Variants in MANBA observed in about 807,000 individuals in gnomAD.
The protein encoded by MANBA is beta-mannosidase.
A neutral mutation model predicts 111.1 loss-of-function variants in MANBA; 83 were observed. The ratio of observed to expected loss-of-function variants is 0.75; its 90% CI spans 0.63 to 0.90. The LOEUF (loss-of-function observed/expected upper bound fraction) is 0.90, where lower values mean the gene tolerates loss of function less well. Among genes scored for constraint, MANBA ranks in the 40% least tolerant of loss-of-function variants. The pLI, the probability that MANBA is intolerant of heterozygous loss-of-function variation, is 0.00. For synonymous variants in MANBA, 370 were observed against 378.7 expected, an observed-to-expected ratio of 0.98 and a Z score of 0.27; for missense variants, 1,036 against 1,069.0, an observed-to-expected ratio of 0.97 and a Z score of 0.43.
Position 102,742,417 on chromosome 4 carries a change from C to G in MANBA, c.178-15734G>C, listed in dbSNP as rs553841794. On this transcript the variant is annotated intron_variant, in intron 1 of 16. Transcript: ENST00000647097. ...CTATGAATCTTGGCTATGGGAGAAA[C>G]AGTACCATATATTGAATGCTGATTC... Among the ~76,000 whole-genome samples, 6 of 152,236 alleles carry G rather than the reference C, an allele frequency of 3.9e-5. No homozygotes were observed. In the South Asian group the frequency reaches 1.0e-3, roughly 26 times the overall value.
At chr4:102,681,917 G>C (rs549454638) in intron 7 of MANBA, among the ~76,000 whole-genome samples, 16 of 152,000 alleles carry the variant, frequency 1.1e-4, no homozygotes, top group Non-Finnish European at 2.4e-4. Flanking sequence ...AGGCAGAAGC[G>C]GGTGGATCAC....
chr4:102,655,028 T>C (rs1730502211), intron 12 of MANBA, among the ~76,000 whole-genome samples: 1 of 152,190 alleles, frequency 6.6e-6, no homozygotes, highest in South Asian at 2.1e-4. Flanking sequence ...AAAAATCATC[T>C]GTATTTTTAT....
At chr4:102,683,271 T>C (rs551513140) in intron 7 of MANBA, among the ~76,000 whole-genome samples, 1 of 152,188 alleles carries the variant, frequency 6.6e-6, no homozygotes, top group Non-Finnish European at 1.5e-5. Context: ...TTGGGAACTA[T>C]GAAACACAAG....
At chr4:102,657,233 T>TGAGGGGGGGGGGGGGGGGGGG (rs1730603054) in intron 12 of MANBA, among the ~76,000 whole-genome samples, 1 of 43,410 alleles carries the variant, frequency 2.3e-5, no homozygotes, top group African/African-American at 9.6e-5. Flanking sequence ...GGGGGGGGGG[T>TGAGGGGGGGGGGGGGGGGGGG]GGGCGGTGGT....
chr4:102,749,491 A>G (rs969696802), intron 1 of MANBA, among the ~76,000 whole-genome samples: 7 of 152,368 alleles, frequency 4.6e-5, no homozygotes, highest in Non-Finnish European at 8.8e-5. Context: ...ATTTTGAACA[A>G]AAGTATATTG....
At position 102,676,313 on chromosome 4, in the gene MANBA, G is replaced by A. The variant is rs144381994; in HGVS notation, c.961-2243C>T. The stretch of plus-strand genomic sequence containing the variant: ...GAATTGAATATTTAAACTTATACAT[G>A]ATAAGCTCATTAAAAGTCAAACAGT... On this transcript the variant is annotated intron_variant, in intron 7 of 16. Coordinates refer to ENST00000647097, the MANE Select transcript of MANBA (RefSeq NM_005908.4). 2.0e-3 allele frequency among the ~76,000 whole-genome samples: 300 copies of A among 152,152 alleles called. 3 individuals carry two copies. The highest frequency in any genetic ancestry group is 6.8e-3 in the African/African-American group (284 of 41,508).
chr4:102,661,855 A>T (rs1487375987), intron 11 of MANBA, among the ~76,000 whole-genome samples: 1 of 152,248 alleles, frequency 6.6e-6, no homozygotes, highest in Non-Finnish European at 1.5e-5. Flanking sequence ...TGGCCATAAA[A>T]AGAAAGCATG....
intron 12 of MANBA, among the ~76,000 whole-genome samples, chr4:102,654,246 C>T (rs554383466): frequency 8.5e-5 from 13 of 152,276 alleles, no homozygotes; most frequent in African/African-American, 3.1e-4. Flanking sequence ...TACTGAACTT[C>T]ATCCTCCTTC....
At chr4:102,654,683 C>T (rs1415945037) in intron 12 of MANBA, among the ~76,000 whole-genome samples, 1 of 152,134 alleles carries the variant, frequency 6.6e-6, no homozygotes, top group African/African-American at 2.4e-5. Flanking sequence ...TAAAAGGGAC[C>T]TTCCTTGACC....
At chr4:102,760,027 C>T (rs571508827) in intron 1 of MANBA, among the ~76,000 whole-genome samples, 1 of 152,154 alleles carries the variant, frequency 6.6e-6, no homozygotes, top group Non-Finnish European at 1.5e-5. Context: ...CCTATGCGCA[C>T]AGGCAGCCAA....
chr4:102,718,650 G>C (rs931112643), intron 4 of MANBA, among the ~76,000 whole-genome samples: 2 of 152,230 alleles, frequency 1.3e-5, no homozygotes, highest in Admixed American at 1.3e-4. Context: ...TTGCTACAGG[G>C]AAAGTGGAGG....
At chr4:102,733,940 C>T (rs1295038946) in intron 1 of MANBA, among the ~76,000 whole-genome samples, 3 of 152,268 alleles carry the variant, frequency 2.0e-5, no homozygotes, top group African/African-American at 7.2e-5. Flanking sequence ...CAGTGGTTAC[C>T]ATAGGTTAAG....
intron 7 of MANBA, among the ~76,000 whole-genome samples, chr4:102,677,604 T>C (rs1167081791): frequency 6.6e-6 from 1 of 152,164 alleles, no homozygotes; most frequent in Admixed American, 6.5e-5. Flanking sequence ...AAAAGAAAAC[T>C]ATCATTGGTT....
At chr4:102,747,702 G>C (rs930858175) in intron 1 of MANBA, among the ~76,000 whole-genome samples, 1 of 152,156 alleles carries the variant, frequency 6.6e-6, no homozygotes, top group African/African-American at 2.4e-5. Flanking sequence ...ACATGTTTTG[G>C]TCAGCCTTAA....
chr4:102,660,070 G>A (rs1003183620), intron 11 of MANBA, among the ~76,000 whole-genome samples: 2 of 152,124 alleles, frequency 1.3e-5, no homozygotes, highest in African/African-American at 2.4e-5. Context: ...CTGATAACCA[G>A]CTCCACATTT....
At chr4:102,707,362 A>G (rs1560787386) in intron 5 of MANBA, among the ~76,000 whole-genome samples, 1 of 152,352 alleles carries the variant, frequency 6.6e-6, no homozygotes, top group Non-Finnish European at 1.5e-5. Flanking sequence ...AGGACAAATC[A>G]TCTTTCTAAG....
chr4:102,747,935 G>A lies in MANBA; in HGVS notation c.177+12783C>T, dbSNP rs180686973. 2.1e-3 allele frequency among the ~76,000 whole-genome samples: 317 copies of A among 152,346 alleles called. 5 individuals carry two copies. Among genetic ancestry groups the A allele is most frequent in the South Asian group, 4.1e-4 (2 of 4,830 alleles). ...CAGAGACAAGTGACACCTGACTGAA[G>A]TGTAGCGGTGGGGTTCCCAGGACTG... On this transcript the variant is annotated intron_variant, in intron 1 of 16. Coordinates refer to ENST00000647097, the MANE Select transcript of MANBA (RefSeq NM_005908.4).
At chr4:102,669,643 G>A (rs1435729638) in intron 9 of MANBA, among the ~76,000 whole-genome samples, 3 of 151,730 alleles carry the variant, frequency 2.0e-5, no homozygotes, top group Admixed American at 6.6e-5. Flanking sequence ...TCAAGAGTTC[G>A]AGACCAGCCT....
At chr4:102,718,237 T>C (rs1722418601) in intron 4 of MANBA, among the ~76,000 whole-genome samples, 1 of 152,164 alleles carries the variant, frequency 6.6e-6, no homozygotes, top group South Asian at 2.1e-4. Context: ...AGGACTTAAA[T>C]CACAAGTGCG....
Sources: gnomAD v4.1 joint callset for allele counts (sites outside exome capture counted in the v4.1 genomes callset) on GRCh38, gnomAD v4.1.1 for gene constraint, MANE v1.5 for transcripts, NCBI Gene and HGNC (gene_info 2026-07-23, HGNC 2026-07-21) for gene names.